Variants in PLEKHA5 observed in about 807,000 individuals in gnomAD.
PLEKHA5 encodes the protein pleckstrin homology domain-containing family A member 5.
Under a neutral mutation model 181.9 loss-of-function variants are expected in PLEKHA5, and 55 were observed. The observed-to-expected ratio is 0.30, with a 90% CI of 0.24 to 0.38. The LOEUF (loss-of-function observed/expected upper bound fraction) is 0.38. PLEKHA5 is among the 10% of genes least tolerant of loss of function. The pLI, the probability that PLEKHA5 is intolerant of heterozygous loss-of-function variation, is 1.00. For missense variants in PLEKHA5, 1,432 were observed against 1,549.5 expected (o/e 0.92, Z 1.27); for synonymous variants, 535 against 529.4 (o/e 1.01, Z -0.15).
At chr12:19,269,129 T>A (rs1402380280) in intron 8 of PLEKHA5, among the ~76,000 whole-genome samples, 1 of 152,148 alleles carries the variant, frequency 6.6e-6, no homozygotes, top group African/African-American at 2.4e-5. Context: ...GGCTCACACC[T>A]GTAATCCCAG....
chr12:19,214,465 C>A (rs985424427), intron 3 of PLEKHA5, among the ~76,000 whole-genome samples: 1 of 152,114 alleles, frequency 6.6e-6, no homozygotes, highest in Non-Finnish European at 1.5e-5. Flanking sequence ...AATTCAACAA[C>A]ATCAAAGAAT....
At chr12:19,260,624 A>G (rs1297845197) in intron 6 of PLEKHA5, among the ~76,000 whole-genome samples, 1 of 152,176 alleles carries the variant, frequency 6.6e-6, no homozygotes, top group Non-Finnish European at 1.5e-5. Flanking sequence ...CGGAAGGCCA[A>G]GGCGGGTGGA....
At chr12:19,278,895 C>T (rs1271365656) in intron 11 of PLEKHA5, among the ~76,000 whole-genome samples, 5 of 152,112 alleles carry the variant, frequency 3.3e-5, no homozygotes, top group Non-Finnish European at 5.9e-5. Context: ...TGAACAACCT[C>T]TTTTTGAGTA....
At chr12:19,187,584 T>C (rs1419796899) in intron 3 of PLEKHA5, among the ~76,000 whole-genome samples, 5 of 152,186 alleles carry the variant, frequency 3.3e-5, no homozygotes. Flanking sequence ...CCACAAGGGC[T>C]TCAGTGACCT....
intron 20 of PLEKHA5, among the ~76,000 whole-genome samples, chr12:19,332,937 T>C (rs1481523057): frequency 6.6e-6 from 1 of 152,170 alleles, no homozygotes; most frequent in Non-Finnish European, 1.5e-5. Context: ...ATTACAGGCA[T>C]GAGCCACTGC....
intron 15 of PLEKHA5, among the ~76,000 whole-genome samples, chr12:19,296,404 C>T (rs1280405084): frequency 6.6e-6 from 1 of 151,826 alleles, no homozygotes; most frequent in African/African-American, 2.4e-5. Flanking sequence ...AAAAATTAGC[C>T]GGGCCTGGTG....
intron 18 of PLEKHA5, among the ~76,000 whole-genome samples, chr12:19,321,884 G>A (rs1839705304): frequency 6.6e-6 from 1 of 151,964 alleles, no homozygotes; most frequent in African/African-American, 2.4e-5. Context: ...TTGTACTATT[G>A]AAATTTTATT....
At chr12:19,240,460 A>T (rs1592169030) in intron 3 of PLEKHA5, among the ~76,000 whole-genome samples, 5 of 122,282 alleles carry the variant, frequency 4.1e-5, no homozygotes, top group Non-Finnish European at 1.7e-5. Flanking sequence ...TTTTTTTTTT[A>T]AAGACAGGGT....
intron 15 of PLEKHA5, among the ~76,000 whole-genome samples, chr12:19,310,357 C>G (rs1405177637): frequency 6.6e-6 from 1 of 152,064 alleles, no homozygotes; most frequent in Non-Finnish European, 1.5e-5. Flanking sequence ...TGCCTGTAAT[C>G]CCAGCACTTT....
chr12:19,138,058 C>T (rs1450065019), intron 3 of PLEKHA5, among the ~76,000 whole-genome samples: 2 of 152,034 alleles, frequency 1.3e-5, no homozygotes, highest in South Asian at 2.1e-4. Flanking sequence ...GTGGTCAATA[C>T]AAAAACACAA....
At chr12:19,290,569 T>C in intron 13 of PLEKHA5, 108 bp from the exon 14 acceptor site, 2 of 937,036 alleles carry the variant, frequency 2.1e-6, no homozygotes, top group South Asian at 3.6e-5. Context: ...ATGTTTGATG[T>C]CAACCATAAG....
intron 26 of PLEKHA5, among the ~76,000 whole-genome samples, chr12:19,357,873 C>T (rs1057399994): frequency 1.3e-5 from 2 of 152,044 alleles, no homozygotes; most frequent in Non-Finnish European, 2.9e-5. Flanking sequence ...CTCCTGGGCT[C>T]AAGTAATCCA....
chr12:19,241,938 T>C (rs1272801540), intron 3 of PLEKHA5, among the ~76,000 whole-genome samples: 1 of 152,194 alleles, frequency 6.6e-6, no homozygotes, highest in Non-Finnish European at 1.5e-5. Flanking sequence ...TGTGTACATT[T>C]TAAGAATCAT....
chr12:19,297,882 A>G (rs939687980), intron 15 of PLEKHA5, among the ~76,000 whole-genome samples: 15 of 152,050 alleles, frequency 9.9e-5, no homozygotes, highest in African/African-American at 3.6e-4. Flanking sequence ...TTTAAAAAAC[A>G]ATTATCAAAT....
Position 19,213,641 on chromosome 12 carries a change from A to C in PLEKHA5, c.228-40299A>C, listed in dbSNP as rs377590239. Among the ~76,000 whole-genome samples the C allele has an allele frequency of 1.2e-3, 187 of 152,318 alleles. 1 individual carries two copies. The South Asian group carries it at 0.013, about 10-fold the overall frequency. On this transcript the variant is annotated intron_variant, in intron 3 of 31. Coordinates refer to ENST00000429027, the MANE Select transcript of PLEKHA5 (RefSeq NM_001256470.2). ...AAATTGAAGGAGGAGGAGATAGGGC[A>C]TAGATTCCTTAATGTTTGAAATAGT...
At chr12:19,215,007 G>A (rs2057676456) in intron 3 of PLEKHA5, among the ~76,000 whole-genome samples, 2 of 151,930 alleles carry the variant, frequency 1.3e-5, no homozygotes, top group African/African-American at 2.4e-5. Flanking sequence ...GTGAAACCCC[G>A]TTTCTACTAA....
chr12:19,364,759 C>T (rs2095371267), intron 29 of PLEKHA5, among the ~76,000 whole-genome samples: 1 of 151,642 alleles, frequency 6.6e-6, no homozygotes, highest in East Asian at 2.0e-4. Context: ...CCCCGCCGCC[C>T]GATTCAAGCA....
At chr12:19,297,393 C>A in intron 15 of PLEKHA5, among the ~76,000 whole-genome samples, 1 of 150,898 alleles carries the variant, frequency 6.6e-6, no homozygotes, top group East Asian at 1.9e-4. Flanking sequence ...GAGGCCGAGG[C>A]AGGTGGATCA....
intron 3 of PLEKHA5, among the ~76,000 whole-genome samples, chr12:19,204,259 G>A (rs991137267): frequency 6.6e-6 from 1 of 152,086 alleles, no homozygotes; most frequent in South Asian, 2.1e-4. Context: ...TAGCATATGG[G>A]TACATTTAAA....
Sources: gnomAD v4.1 joint callset for allele counts (sites outside exome capture counted in the v4.1 genomes callset) on GRCh38, gnomAD v4.1.1 for gene constraint, MANE v1.5 for transcripts, NCBI Gene and HGNC (gene_info 2026-07-23, HGNC 2026-07-21) for gene names.